Variants in LRRC8C observed in about 807,000 individuals in gnomAD.
LRRC8C encodes the protein volume-regulated anion channel subunit LRRC8C.
Under a neutral mutation model 55.3 loss-of-function variants are expected in LRRC8C, and 20 were observed. The ratio of observed to expected loss-of-function variants is 0.36; its 90% CI spans 0.25 to 0.53. LRRC8C has a LOEUF of 0.53. Ranked by LOEUF, LRRC8C falls within the 20% of genes least tolerant of loss-of-function variation. The probability of loss-of-function intolerance (pLI) is 0.92; values close to 1 mark genes in which losing one functional copy is unlikely to be tolerated. For synonymous variants in LRRC8C, 376 were observed against 360.7 expected (o/e 1.04, Z -0.48); for missense variants, 659 against 951.4 (o/e 0.69, Z 4.04).
At chr1:89,663,498 A>G (rs1657171362) in intron 1 of LRRC8C, among the ~76,000 whole-genome samples, 1 of 150,004 alleles carries the variant, frequency 6.7e-6, no homozygotes, top group Non-Finnish European at 1.5e-5. Flanking sequence ...TGAACCCGGG[A>G]GGCAGAGCTT....
At chr1:89,679,627 C>T (rs1657643621) in intron 1 of LRRC8C, among the ~76,000 whole-genome samples, 1 of 152,150 alleles carries the variant, frequency 6.6e-6, no homozygotes, top group Non-Finnish European at 1.5e-5. Flanking sequence ...GAGCAATACA[C>T]ATGGGTTTCT....
chr1:89,627,630 C>T, the LRRC8C span, among the ~76,000 whole-genome samples: 1 of 152,120 alleles, frequency 6.6e-6, no homozygotes, highest in South Asian at 2.1e-4. Context: ...ATAAATACTC[C>T]TTTCCTATAG....
the LRRC8C span, among the ~76,000 whole-genome samples, chr1:89,615,826 C>T: frequency 2.0e-5 from 3 of 152,176 alleles, no homozygotes; most frequent in Non-Finnish European, 2.9e-5. Flanking sequence ...TACCATATGT[C>T]TCTATCTCCA....
At chr1:89,701,699 C>G (rs367581517) in intron 2 of LRRC8C, among the ~76,000 whole-genome samples, 1 of 152,110 alleles carries the variant, frequency 6.6e-6, no homozygotes. Context: ...TATTATGATA[C>G]ACACATCTGC....
chr1:89,660,347 C>T (rs577000381), intron 1 of LRRC8C, among the ~76,000 whole-genome samples: 125 of 152,214 alleles, frequency 8.2e-4, no homozygotes, highest in African/African-American at 2.9e-3. Context: ...CTCAACCTCA[C>T]CTACATGTTG....
the LRRC8C span, among the ~76,000 whole-genome samples, chr1:89,619,085 A>AT: frequency 6.6e-6 from 1 of 152,224 alleles, no homozygotes; most frequent in Non-Finnish European, 1.5e-5. Context: ...AAAAGAACAC[A>AT]TAACACTGGT....
At chr1:89,686,708 A>G in intron 2 of LRRC8C, 97 bp downstream of exon 2, 1 of 1,343,272 alleles carries the variant, frequency 7.4e-7, no homozygotes, top group Admixed American at 1.9e-5. Context: ...TAACCATGTA[A>G]GTATTAGTCA....
the LRRC8C span, among the ~76,000 whole-genome samples, chr1:89,622,866 A>G: frequency 1.3e-5 from 2 of 152,224 alleles, no homozygotes; most frequent in Non-Finnish European, 2.9e-5. Context: ...GATCAGATAT[A>G]TTATTATAGA....
In LRRC8C at chr1:89,714,092, C is replaced by G. The variant is rs756312797; in HGVS notation, c.1522C>G (p.Pro508Ala). The G allele has an allele frequency of 3.1e-6, 5 of 1,614,088 alleles. No individual in the cohort carries two copies. The highest frequency in any genetic ancestry group is 2.7e-5 in the African/African-American group (2 of 75,030). ...GTTTGATGACATGAGGGAACTCCCC[C>G]CCTGGATGTATGGGCTCCGAAATCT... ...VKFDDMRELPPWMYGLRNLEE... is the reference protein window; with the variant it reads ...VKFDDMRELPAWMYGLRNLEE... Residue 508 changes from proline to alanine, a missense_variant, in exon 3 of 3, where the codon CCC (proline) becomes GCC (alanine). Around this residue, in one of 5 missense-constraint regions of LRRC8C, gnomAD observed 344 missense variants for 464.6 expected, o/e 0.74. Coordinates refer to ENST00000370454, the MANE Select transcript of LRRC8C (RefSeq NM_032270.5). The surrounding 1 kb of genome is among the most constrained non-coding windows in gnomAD (Gnocchi z 4.6).
At chr1:89,666,031 G>A (rs1229959648) in intron 1 of LRRC8C, among the ~76,000 whole-genome samples, 18 of 152,150 alleles carry the variant, frequency 1.2e-4, no homozygotes, top group Non-Finnish European at 1.5e-5. Flanking sequence ...TAGCCAAAGT[G>A]CGTAGTAGGC....
chr1:89,647,984 G>A (rs538270918), intron 1 of LRRC8C, among the ~76,000 whole-genome samples: 92 of 152,256 alleles, frequency 6.0e-4, no homozygotes, highest in Middle Eastern at 3.4e-3. Flanking sequence ...CGGGAGGATG[G>A]CTTGAGCCCA....
At chr1:89,662,646 C>T (rs1397647586) in intron 1 of LRRC8C, among the ~76,000 whole-genome samples, 1 of 151,938 alleles carries the variant, frequency 6.6e-6, no homozygotes. Flanking sequence ...AACTTTTTGC[C>T]CTTATGTCTA....
chr1:89,679,140 AGAG>A (rs1657633316), intron 1 of LRRC8C, among the ~76,000 whole-genome samples: 1 of 152,202 alleles, frequency 6.6e-6, no homozygotes, highest in Non-Finnish European at 1.5e-5. Context: ...GTCGGGGAGA[AGAG>A]GAGGAAACAA....
At chr1:89,679,216 G>A (rs1455005981) in intron 1 of LRRC8C, among the ~76,000 whole-genome samples, 1 of 152,132 alleles carries the variant, frequency 6.6e-6, no homozygotes. Context: ...TAAAAGCCAA[G>A]GGAGAAATGG....
At chr1:89,684,432 G>A (rs372724068) in intron 1 of LRRC8C, among the ~76,000 whole-genome samples, 18 of 152,298 alleles carry the variant, frequency 1.2e-4, no homozygotes, top group African/African-American at 3.8e-4. Flanking sequence ...ATTGCTTCAC[G>A]AATAAGCATC....
At position 89,686,557 on chromosome 1, in the gene LRRC8C, C is replaced by T. The variant is rs74098169; in HGVS notation, c.84C>T (p.Thr28=). The change falls in exon 2 of 3, where the codon ACC becomes ACT. Residue 28 remains threonine, a synonymous_variant. Coordinates refer to ENST00000370454, the MANE Select transcript of LRRC8C (RefSeq NM_032270.5). ...RVLKPWWDVF[T]DYLSVAMLMI... ...TGAAGCCATGGTGGGATGTGTTTAC[C>T]GATTACCTCTCAGTAGCCATGCTCA... The T allele has an allele frequency of 1.0e-4, 168 of 1,614,124 alleles. No individual in the cohort carries two copies. The African/African-American group carries it at 1.9e-3, about 19-fold the overall frequency.
At chr1:89,707,651 A>AGTGTGTGTGTGTGTGT (rs34052147) in intron 2 of LRRC8C, among the ~76,000 whole-genome samples, 2 of 139,966 alleles carry the variant, frequency 1.4e-5, no homozygotes, top group Non-Finnish European at 3.0e-5. Flanking sequence ...TGTGTGTGTG[A>AGTGTGTGTGTGTGTGT]GTGTGTGTGT....
chr1:89,700,660 G>T (rs1658293083), intron 2 of LRRC8C, among the ~76,000 whole-genome samples: 1 of 152,180 alleles, frequency 6.6e-6, no homozygotes, highest in Non-Finnish European at 1.5e-5. Context: ...GGGAAAACTT[G>T]GTTTGTTCCG....
intron 2 of LRRC8C, among the ~76,000 whole-genome samples, chr1:89,709,324 G>T (rs551478470): frequency 6.6e-6 from 1 of 152,326 alleles, no homozygotes; most frequent in African/African-American, 2.4e-5. Flanking sequence ...TTCTTCTTCT[G>T]TAGAACGGAG....
Sources: gnomAD v4.1 joint callset for allele counts (sites outside exome capture counted in the v4.1 genomes callset) on GRCh38, gnomAD v4.1.1 for gene constraint, gnomAD v4.1.1 regional missense constraint, Gnocchi (gnomAD v3.1) non-coding constraint, MANE v1.5 for transcripts, NCBI Gene and HGNC (gene_info 2026-07-23, HGNC 2026-07-21) for gene names.